Variants in GRIP2 observed in about 807,000 individuals in gnomAD.
GRIP2 encodes the protein glutamate receptor interacting protein 2.
In GRIP2, 58 loss-of-function variants were observed where a neutral mutation model predicts 108.3. The observed-to-expected ratio is 0.54, with a 90% CI of 0.43 to 0.67. The LOEUF is 0.67. Among genes scored for constraint, GRIP2 ranks in the 30% least tolerant of loss-of-function variants. The pLI is 0.00. For synonymous variants in GRIP2, 586 were observed against 598.2 expected (o/e 0.98, Z 0.30); for missense variants, 1,278 against 1,430.6 (o/e 0.89, Z 1.72).
intron 10 of GRIP2, among the ~76,000 whole-genome samples, chr3:14,517,417 C>T (rs1694279849): frequency 6.7e-6 from 1 of 149,032 alleles, no homozygotes; most frequent in African/African-American, 2.5e-5. Flanking sequence ...CCCTGTGAAA[C>T]TCAGCTATTA....
In GRIP2 at chr3:14,529,298, A is replaced by G. The variant is rs931022725; in HGVS notation, c.41-3367T>C. Among the ~76,000 whole-genome samples the G allele has an allele frequency of 1.4e-3, 185 of 134,428 alleles. 1 individual carries two copies. The highest frequency in any genetic ancestry group is 4.7e-3 in the African/African-American group (180 of 38,680). The allele number at this position is 134,428 out of a possible 152,430, so 88.2% of individuals were successfully genotyped here. A position where few individuals can be genotyped will look rare whatever the true frequency, so the allele number is the denominator to read the frequency against. On this transcript the variant is annotated intron_variant, in intron 1 of 23. Transcript: ENST00000621039. ...CGTCTCAAAAAAAAAAAAAAAAAAA[A>G]AAAAGGAAAAACACTTGTATAATGA...
At chr3:14,501,185 T>G (rs540218507) in intron 21 of GRIP2, among the ~76,000 whole-genome samples, 1 of 152,258 alleles carries the variant, frequency 6.6e-6, no homozygotes, top group African/African-American at 2.4e-5. Flanking sequence ...ACAGAGTAGA[T>G]AGCAATTGCC....
chr3:14,557,593 G>A (rs1364672486), upstream of GRIP2, among the ~76,000 whole-genome samples: 1 of 152,226 alleles, frequency 6.6e-6, no homozygotes, highest in African/African-American at 2.4e-5. Flanking sequence ...GCCTCTCAGG[G>A]CTAGCCGAGG....
the GRIP2 span, among the ~76,000 whole-genome samples, chr3:14,599,677 C>CTGTG: frequency 3.9e-5 from 4 of 103,364 alleles, no homozygotes; most frequent in African/African-American, 1.6e-4. Flanking sequence ...CTCTCTCTCT[C>CTGTG]TCTCTCTCTG....
the GRIP2 span, among the ~76,000 whole-genome samples, chr3:14,579,126 A>G: frequency 1.3e-5 from 2 of 152,222 alleles, no homozygotes; most frequent in Admixed American, 6.5e-5. Context: ...CCGGAAGAAC[A>G]AGGCACTGAC....
At chr3:14,538,350 G>A (rs1414827693) in intron 1 of GRIP2, among the ~76,000 whole-genome samples, 1 of 152,198 alleles carries the variant, frequency 6.6e-6, no homozygotes, top group African/African-American at 2.4e-5. Context: ...AATGAGAGCC[G>A]TTTCTGGGGC....
chr3:14,545,451 C>T (rs769930175), upstream of GRIP2, among the ~76,000 whole-genome samples: 8 of 152,228 alleles, frequency 5.3e-5, no homozygotes, highest in South Asian at 6.2e-4. Context: ...AGCCAGCCAG[C>T]GACAAACACA....
chr3:14,589,292 G>A, the GRIP2 span, among the ~76,000 whole-genome samples: 1 of 152,194 alleles, frequency 6.6e-6, no homozygotes, highest in Non-Finnish European at 1.5e-5. Flanking sequence ...ATGCATGATA[G>A]TACACAACTA....
At position 14,520,028 on chromosome 3, in the gene GRIP2, C is replaced by A. The variant is rs561840632; in HGVS notation, c.1030+82G>T. The stretch of plus-strand genomic sequence containing the variant: ...GTACATTTTAGCCTGCTCCTCCCAG[C>A]CTGCCCAGGGCTCTGGTCCCAGGCC... On this transcript the variant is annotated intron_variant, in intron 9 of 23. Coordinates refer to ENST00000621039, the MANE Select transcript of GRIP2 (RefSeq NM_001080423.4). The A allele has an allele frequency of 7.4e-6, 10 of 1,347,204 alleles. No individual in the cohort carries two copies. In the African/African-American group the frequency reaches 1.3e-4, roughly 18 times the overall value. 83.5% of individuals were successfully genotyped at this position (1,347,204 alleles called of 1,614,324 possible).
chr3:14,579,916 CT>C, the GRIP2 span, among the ~76,000 whole-genome samples: 1 of 152,200 alleles, frequency 6.6e-6, no homozygotes, highest in Admixed American at 6.5e-5. Flanking sequence ...CTGGACTGGC[CT>C]TTGGGCTGCA....
chr3:14,496,589 T>G, intron 21 of GRIP2, 29 bp from the exon 22 acceptor site: 2 of 1,583,290 alleles, frequency 1.3e-6, no homozygotes. Flanking sequence ...TTCTTTCAGA[T>G]GCTTGTTGGC....
chr3:14,590,542 T>C, the GRIP2 span, among the ~76,000 whole-genome samples: 1 of 152,216 alleles, frequency 6.6e-6, no homozygotes, highest in Admixed American at 6.5e-5. Flanking sequence ...AGAGAGAGAA[T>C]GAATAAGGCT....
At chr3:14,548,704 A>G (rs1316835797) in intron 1 of GRIP2, among the ~76,000 whole-genome samples, 1 of 152,208 alleles carries the variant, frequency 6.6e-6, no homozygotes, top group Non-Finnish European at 1.5e-5. Context: ...CTTTATGTAC[A>G]CTGTCTCATG....
At chr3:14,574,401 C>T in the GRIP2 span, 1 of 788,358 alleles carries the variant, frequency 1.3e-6, no homozygotes, top group Admixed American at 1.9e-5. Flanking sequence ...CTGTCGGAGC[C>T]GCACCTTGGG....
the GRIP2 span, among the ~76,000 whole-genome samples, chr3:14,594,465 G>A: frequency 2.0e-5 from 3 of 152,206 alleles, no homozygotes; most frequent in Non-Finnish European, 2.9e-5. Flanking sequence ...CCTTCCCTGG[G>A]GAAAGAGGCG....
upstream of GRIP2, among the ~76,000 whole-genome samples, chr3:14,559,448 A>C (rs1695286206): frequency 6.6e-6 from 1 of 151,884 alleles, no homozygotes; most frequent in African/African-American, 2.4e-5. Flanking sequence ...TCAAAAAAAA[A>C]AAAAAAAAGG....
the GRIP2 span, among the ~76,000 whole-genome samples, chr3:14,587,277 G>T: frequency 1.3e-5 from 2 of 152,170 alleles, no homozygotes; most frequent in Admixed American, 6.5e-5. Flanking sequence ...AACATCTTAT[G>T]TGGTTTTATA....
chr3:14,563,300 C>A, the GRIP2 span, among the ~76,000 whole-genome samples: 1 of 151,968 alleles, frequency 6.6e-6, no homozygotes, highest in Non-Finnish European at 1.5e-5. Flanking sequence ...CTGTGGTTTG[C>A]CCTTAAAATG....
chr3:14,538,537 T>C (rs941407227), intron 1 of GRIP2, among the ~76,000 whole-genome samples: 1 of 152,204 alleles, frequency 6.6e-6, no homozygotes, highest in Non-Finnish European at 1.5e-5. Flanking sequence ...ATGATGTTAA[T>C]TGAGCATCTG....
Sources: allele counts gnomAD v4.1 joint callset (sites outside exome capture counted in the v4.1 genomes callset), GRCh38; gene constraint gnomAD v4.1.1; transcripts MANE v1.5; gene names NCBI Gene and HGNC (gene_info 2026-07-23, HGNC 2026-07-21).